Variants in ERICH1 observed in about 807,000 individuals in gnomAD.
ERICH1 encodes the protein glutamate-rich protein 1.
ERICH1 carries 56 observed loss-of-function variants against 39.6 expected under a neutral mutation model. The observed-to-expected ratio is 1.41, with a 90% CI of 1.14 to 1.77. ERICH1 has a LOEUF of 1.77. Ranked by LOEUF, ERICH1 falls within the 40% of genes most tolerant of loss-of-function variation. ERICH1 has a pLI of 0.00. For missense variants in ERICH1, 826 were observed against 575.4 expected (o/e 1.44, Z -4.45); for synonymous variants, 313 against 223.6 (o/e 1.40, Z -3.57).
At chr8:616,770 G>C (rs1454166015) in intron 3 of ERICH1, among the ~76,000 whole-genome samples, 1 of 41,028 alleles carries the variant, frequency 2.4e-5, no homozygotes, top group Admixed American at 2.7e-4. Flanking sequence ...GAGGAAGACA[G>C]AGAGAGGGAG....
Position 673,772 on chromosome 8 carries a change from C to A in ERICH1, c.580G>T (p.Asp194Tyr), listed in dbSNP as rs139797119. ...ACGCCTTCCCCTTCATTGCTGCTGT[C>A]CTCGGGCTGGTACATGAAACTGACA... Reference protein sequence around the residue: ...AGVSFMYQPEDSSNEGEGVGE... With the variant: ...AGVSFMYQPEYSSNEGEGVGE... The change falls in exon 4 of 6, where the codon GAC becomes TAC. Residue 194 changes from aspartate to tyrosine, a missense_variant. Asp to Tyr is a radical substitution (Grantham distance 160). Coordinates refer to ENST00000262109, the MANE Select transcript of ERICH1 (RefSeq NM_207332.3). The A allele has an allele frequency of 2.5e-6, 4 of 1,614,202 alleles. No homozygotes were observed. Among genetic ancestry groups the A allele is most frequent in the Non-Finnish European group, 3.4e-6 (4 of 1,180,048 alleles).
At chr8:691,452 G>A (rs551187289) in intron 3 of ERICH1, among the ~76,000 whole-genome samples, 8 of 152,368 alleles carry the variant, frequency 5.3e-5, no homozygotes, top group Admixed American at 3.3e-4. Context: ...CATGGACAAC[G>A]CGGTACAACG....
Position 615,129 on chromosome 8 carries a change from TC to T in ERICH1, c.*93del, listed in dbSNP as rs1257734260. 9.9e-6 allele frequency: 6 copies of T among 608,738 alleles called. No homozygotes were observed. The Admixed American group carries it at 1.8e-4, about 19-fold the overall frequency. The allele number at this position is 608,738 out of a possible 1,614,324, so 37.7% of individuals were successfully genotyped here. ...AGCTTGCTGCATCTGAGTCTTGGGC[TC>T]CCGGTCCACTGCTTAAAAAGTTACT... On this transcript the variant is annotated 3_prime_UTR_variant, in exon 4 of 4. Transcript: ENST00000522706.
chr8:707,035 A>G (rs568725537), intron 2 of ERICH1, among the ~76,000 whole-genome samples: 2 of 152,200 alleles, frequency 1.3e-5, no homozygotes, highest in South Asian at 4.2e-4. Context: ...TGAGTCTTGA[A>G]AAAGAACAAA....
In ERICH1 at chr8:697,237, G is replaced by A. The variant is rs532194277; in HGVS notation, c.170-4625C>T. ...GCTGAGGCTCCCGTCCATCCTGACA[G>A]CTGCAAATGGCCCCAGGGGACAAGG... On this transcript the variant is annotated intron_variant, in intron 2 of 5. Coordinates refer to ENST00000262109, the MANE Select transcript of ERICH1 (RefSeq NM_207332.3). Among the ~76,000 whole-genome samples the A allele has an allele frequency of 2.7e-3, 407 of 152,308 alleles. 3 individuals carry two copies. Among genetic ancestry groups the A allele is most frequent in the African/African-American group, 9.2e-3 (382 of 41,548 alleles).
intron 2 of ERICH1, among the ~76,000 whole-genome samples, chr8:694,242 G>T (rs1809614259): frequency 6.6e-6 from 1 of 152,320 alleles, no homozygotes; most frequent in Non-Finnish European, 1.5e-5. Context: ...AAACTAATCT[G>T]ATTCACCGCA....
chr8:691,004 G>A (rs573597100), intron 3 of ERICH1: 1 of 152,450 alleles, frequency 6.6e-6, no homozygotes, highest in South Asian at 2.1e-4. Flanking sequence ...TCCCATCCTT[G>A]CTTCTCCTGG....
chr8:690,970 C>T (rs934744965), intron 3 of ERICH1: 6 of 152,302 alleles, frequency 3.9e-5, no homozygotes, highest in Non-Finnish European at 8.8e-5. Context: ...CCACACTGAC[C>T]TTGGAGGGTC....
chr8:675,869 C>CG (rs1428691539), intron 3 of ERICH1, among the ~76,000 whole-genome samples: 14 of 22,036 alleles, frequency 6.4e-4, no homozygotes, highest in Admixed American at 9.4e-4. Flanking sequence ...GGCGGCCCCT[C>CG]GTGAGGACAG....
intron 3 of ERICH1, among the ~76,000 whole-genome samples, chr8:684,454 C>A (rs1378150097): frequency 2.1e-5 from 2 of 95,292 alleles, no homozygotes; most frequent in Non-Finnish European, 4.6e-5. Flanking sequence ...GGCTCTGAAA[C>A]TGTGAAGTGT....
intron 3 of ERICH1, among the ~76,000 whole-genome samples, chr8:629,692 T>G (rs867030384): frequency 1.7e-3 from 223 of 131,974 alleles, no homozygotes; most frequent in African/African-American, 2.7e-3. Flanking sequence ...ACTCACACCC[T>G]CCTGTGACCA....
intron 3 of ERICH1, among the ~76,000 whole-genome samples, chr8:638,129 C>T (rs768863149): frequency 6.6e-6 from 1 of 152,258 alleles, no homozygotes; most frequent in Non-Finnish European, 1.5e-5. Flanking sequence ...CCAGGCAAAG[C>T]ACCTGCTGAG....
intron 3 of ERICH1, chr8:615,407 G>A (rs1397564495): frequency 1.8e-6 from 1 of 557,626 alleles, no homozygotes; most frequent in Admixed American, 3.5e-5. Context: ...CCTAAGCCCT[G>A]CTTTCCTCAG....
At chr8:715,741 C>A (rs942323199) in intron 2 of ERICH1, 120 bp downstream of exon 2, 5 of 1,339,124 alleles carry the variant, frequency 3.7e-6, no homozygotes, top group South Asian at 1.4e-5. Flanking sequence ...CTGCTGCAGG[C>A]CCTCTGCAGA....
intron 3 of ERICH1, among the ~76,000 whole-genome samples, chr8:637,373 C>A (rs1299784258): frequency 1.3e-5 from 2 of 152,220 alleles, no homozygotes; most frequent in African/African-American, 2.4e-5. Context: ...ACACGTTCCT[C>A]TAGCCCCATG....
intron 2 of ERICH1, among the ~76,000 whole-genome samples, chr8:692,909 A>G (rs1429444816): frequency 6.6e-6 from 1 of 152,262 alleles, no homozygotes; most frequent in African/African-American, 2.4e-5. Context: ...ACAAAAACAT[A>G]ACTAATTCAT....
At chr8:656,591 C>G (rs542757903) in intron 3 of ERICH1, among the ~76,000 whole-genome samples, 1 of 152,202 alleles carries the variant, frequency 6.6e-6, no homozygotes, top group Non-Finnish European at 1.5e-5. Context: ...CGATCTTGTT[C>G]GCATTGAGGC....
At position 647,922 on chromosome 8, in the gene ERICH1, G is replaced by A. The variant is rs1430502368; in HGVS notation, c.976+20676C>T. On this transcript the variant is annotated intron_variant, in intron 3 of 3. Coordinates refer to the ERICH1 transcript ENST00000522706. ...CCCAAGGCTGAAGTTACATGGCTGT[G>A]TGCGCCTGCAAGTTAAAACTCACTG... Among the ~76,000 whole-genome samples the A allele has an allele frequency of 5.9e-5, 4 of 67,658 alleles. 2 individuals carry two copies. The highest frequency in any genetic ancestry group is 1.5e-4 in the African/African-American group (4 of 25,928). 44.4% of individuals were successfully genotyped at this position (67,658 alleles called of 152,430 possible).
exon 4 of ERICH1, chr8:615,089 T>C (rs111618418): frequency 5.0e-6 from 3 of 594,296 alleles, no homozygotes; most frequent in Non-Finnish European, 8.9e-6. Context: ...ATCTCAGCTC[T>C]CGTCAGCCTT....
Sources: allele counts gnomAD v4.1 joint callset (sites outside exome capture counted in the v4.1 genomes callset), GRCh38; gene constraint gnomAD v4.1.1; transcripts MANE v1.5; gene names NCBI Gene and HGNC (gene_info 2026-07-23, HGNC 2026-07-21).